The following PRKDC variants were observed in gnomAD, a reference collection of about 807,000 sequenced individuals.
PRKDC encodes protein kinase, DNA-activated, catalytic subunit, also known as DNA-dependent protein kinase catalytic subunit.
In PRKDC, 82 loss-of-function variants were observed where a neutral mutation model predicts 486.9. That is an observed-to-expected ratio of 0.17 (90% confidence interval 0.14 to 0.20). The LOEUF is 0.20. Ranked by LOEUF, PRKDC falls within the 10% of genes least tolerant of loss-of-function variation. The probability of loss-of-function intolerance (pLI) is 1.00; values close to 1 mark genes in which losing one functional copy is unlikely to be tolerated. For missense variants in PRKDC, 4,504 were observed against 5,038.2 expected, an observed-to-expected ratio of 0.89 and a Z score of 3.21; for synonymous variants, 1,895 against 1,837.0, an observed-to-expected ratio of 1.03 and a Z score of -0.81.
chr8:47,782,076 G>A lies in PRKDC; in HGVS notation c.11489+86C>T, dbSNP rs1418599404. 53 of 1,216,950 alleles carry A rather than the reference G, an allele frequency of 4.4e-5. No individual in the cohort carries two copies. The highest frequency in any genetic ancestry group is 2.6e-5 in the South Asian group (2 of 77,312). 75.4% of individuals were successfully genotyped at this position (1,216,950 alleles called of 1,614,324 possible). A position where few individuals can be genotyped will look rare whatever the true frequency, so the allele number is the denominator to read the frequency against. On this transcript the variant is annotated intron_variant, in intron 80 of 85. Coordinates refer to ENST00000314191, the MANE Select transcript of PRKDC (RefSeq NM_006904.7). This position sits in a 1 kb window ranked among gnomAD's most constrained non-coding sequence, Gnocchi z 4.9. Reference sequence around the variant, plus strand: ...TGCGGGGCAGGCAGTGTGGGCTCTCGAGCGCGCCTGTCACGGCCCCGACCT... The same window carrying A: ...TGCGGGGCAGGCAGTGTGGGCTCTCAAGCGCGCCTGTCACGGCCCCGACCT...
intron 14 of PRKDC, 30 bp from the exon 15 acceptor site, chr8:47,934,120 A>T: frequency 2.5e-6 from 4 of 1,584,998 alleles, no homozygotes; most frequent in Non-Finnish European, 3.4e-6. Context: ...GACAATATGT[A>T]GTGATGGATT....
intron 73 of PRKDC, 34 bp from the exon 74 acceptor site, chr8:47,794,535 A>G: frequency 6.7e-7 from 1 of 1,487,718 alleles, no homozygotes; most frequent in Non-Finnish European, 9.3e-7. Context: ...ATGCTGAGTA[A>G]AACATCTCAC....
chr8:47,900,269 T>C (rs1156247742), intron 28 of PRKDC, 104 bp downstream of exon 28: 14 of 705,734 alleles, frequency 2.0e-5, no homozygotes, highest in Non-Finnish European at 2.9e-5. Flanking sequence ...TATAGAACTC[T>C]TGGGAAAAAA....
At chr8:47,785,063 G>A in intron 77 of PRKDC, 50 bp downstream of exon 77, 1 of 1,542,294 alleles carries the variant, frequency 6.5e-7, no homozygotes, top group South Asian at 1.1e-5. Flanking sequence ...TCTTATTACA[G>A]TGCTGTGCTC....
intron 7 of PRKDC, among the ~76,000 whole-genome samples, chr8:47,951,422 C>T (rs911563140): frequency 2.6e-5 from 4 of 151,680 alleles, no homozygotes; most frequent in Admixed American, 1.3e-4. Context: ...TATCATGTAT[C>T]TGTTAAGAAA....
At chr8:47,924,687 T>A (rs1041793874) in intron 21 of PRKDC, among the ~76,000 whole-genome samples, 2 of 152,094 alleles carry the variant, frequency 1.3e-5, no homozygotes, top group Non-Finnish European at 2.9e-5. Context: ...AGAGTACATG[T>A]AACACACAAA....
intron 66 of PRKDC, 106 bp downstream of exon 66, chr8:47,820,613 G>C: frequency 1.4e-6 from 1 of 722,154 alleles, no homozygotes; most frequent in Non-Finnish European, 1.9e-6. Context: ...TGAGTTTACT[G>C]AGTTTTAAAA....
At position 47,902,747 on chromosome 8, in the gene PRKDC, G is replaced by A. The variant is rs763393727; in HGVS notation, c.3091C>T (p.Arg1031Trp). 3.1e-6 allele frequency: 5 copies of A among 1,613,300 alleles called. No individual in the cohort carries two copies. The highest frequency in any genetic ancestry group is 2.2e-5 in the South Asian group (2 of 90,950). ...VDSTLRDFCG[R>W]CIREFLKWSI... ...CATTTAAGGAATTCTCGAATACACC[G>A]ACCACAAAAATCTCTTAAAGTACTG... The change falls in exon 27 of 86, where the codon CGG becomes TGG. Residue 1031 changes from arginine to tryptophan, a missense_variant. By Grantham distance (101) the Arg-to-Trp change is moderately radical. Coordinates refer to ENST00000314191, the MANE Select transcript of PRKDC (RefSeq NM_006904.7).
intron 21 of PRKDC, among the ~76,000 whole-genome samples, chr8:47,923,330 C>T (rs946012349): frequency 1.3e-5 from 2 of 152,088 alleles, no homozygotes; most frequent in South Asian, 2.1e-4. Flanking sequence ...GGATTACAGG[C>T]GTGAGCCACT....
intron 40 of PRKDC, among the ~76,000 whole-genome samples, chr8:47,872,596 A>G (rs1348018719): frequency 1.3e-5 from 2 of 152,190 alleles, no homozygotes; most frequent in Non-Finnish European, 2.9e-5. Context: ...ATGAAAAAAG[A>G]TATTTCATGC....
Position 47,813,735 on chromosome 8 carries a change from C to T in PRKDC, c.9557+3715G>A, listed in dbSNP as rs557765270. ...GATTACAGGCATGTGCCACCATGCT[C>T]GGCTAATTTTATATTTTTAGTAGAG... is the stretch of plus-strand genomic sequence containing the variant. On this transcript the variant is annotated intron_variant, in intron 68 of 85. Transcript: ENST00000314191. Among the ~76,000 whole-genome samples, 48 of 152,134 alleles carry T rather than the reference C, an allele frequency of 3.2e-4. No homozygotes were observed. The South Asian group carries it at 9.8e-3, about 31-fold the overall frequency.
chr8:47,879,690 C>A (rs371786025), intron 38 of PRKDC, 32 bp from the exon 39 acceptor site: 2 of 1,481,966 alleles, frequency 1.3e-6, no homozygotes, highest in African/African-American at 1.4e-5. Flanking sequence ...AGAAACTGCA[C>A]GAATTATGGC....
intron 54 of PRKDC, among the ~76,000 whole-genome samples, chr8:47,847,150 T>C (rs543658250): frequency 2.6e-5 from 4 of 152,258 alleles, no homozygotes; most frequent in Non-Finnish European, 5.9e-5. Context: ...TATTCTAAAA[T>C]TCATATGAAA....
At position 47,836,481 on chromosome 8, in the gene PRKDC, G is replaced by A. The variant is rs1450003938; in HGVS notation, c.7808C>T (p.Thr2603Ile). 9.9e-6 allele frequency: 16 copies of A among 1,610,496 alleles called. No homozygotes were observed. The highest frequency in any genetic ancestry group is 1.3e-5 in the African/African-American group (1 of 74,864). ...SDWRFRSTVL[T>I]PMFVETQASQ... is the part of the protein sequence containing the mutation. ...GGCCTGGGTCTCCACAAACATCGGA[G>A]TGAGAACAGTACTTCGGAAACGCCA... The change falls in exon 58 of 86, where the codon ACT (threonine) becomes ATT (isoleucine). Residue 2603 changes from threonine to isoleucine, a missense_variant. By Grantham distance (89) the Thr-to-Ile change is moderately conservative. Coordinates refer to ENST00000314191, the MANE Select transcript of PRKDC (RefSeq NM_006904.7).
At chr8:47,874,520 G>C (rs778999001) in intron 40 of PRKDC, among the ~76,000 whole-genome samples, 1 of 152,140 alleles carries the variant, frequency 6.6e-6, no homozygotes, top group Non-Finnish European at 1.5e-5. Context: ...CACTTTGGGC[G>C]GCTGAGGCGG....
intron 7 of PRKDC, 138 bp from the exon 8 acceptor site, chr8:47,944,167 G>T: frequency 2.6e-6 from 2 of 770,640 alleles, no homozygotes; most frequent in Non-Finnish European, 4.3e-6. Flanking sequence ...ATTCCATCCA[G>T]CTAAAGTTGC....
intron 10 of PRKDC, among the ~76,000 whole-genome samples, chr8:47,942,979 T>G (rs948462154): frequency 6.6e-6 from 1 of 152,216 alleles, no homozygotes; most frequent in Non-Finnish European, 1.5e-5. Context: ...TTTGCTCCAT[T>G]ACACTTGTCT....
intron 25 of PRKDC, among the ~76,000 whole-genome samples, chr8:47,908,316 G>A (rs1029339084): frequency 3.3e-5 from 5 of 152,122 alleles, no homozygotes; most frequent in Non-Finnish European, 7.3e-5. Flanking sequence ...TTTATGAGCT[G>A]CCTATTTTTT....
In PRKDC at chr8:47,935,807, A is replaced by T. The variant is rs2090340242; in HGVS notation, c.1372T>A (p.Cys458Ser). Residue 458 changes from cysteine to serine, a missense_variant, in exon 13 of 86, where the codon TGC becomes AGC. By Grantham distance (112) the Cys-to-Ser change is moderately radical. Coordinates refer to ENST00000314191, the MANE Select transcript of PRKDC (RefSeq NM_006904.7). ...AGGAACACCTTCACTATGGCTCTGC[A>T]ACACACCAGCTGCATTTTTGGACTG... Reference protein sequence around the residue: ...QYSPKMQLVCCRAIVKVFLAL... With the variant: ...QYSPKMQLVCSRAIVKVFLAL... The T allele has an allele frequency of 6.2e-7, 1 of 1,614,016 alleles. No individual in the cohort carries two copies.
Sources: gnomAD v4.1 joint callset for allele counts (sites outside exome capture counted in the v4.1 genomes callset) on GRCh38, gnomAD v4.1.1 for gene constraint, Gnocchi (gnomAD v3.1) non-coding constraint, MANE v1.5 for transcripts, NCBI Gene and HGNC (gene_info 2026-07-23, HGNC 2026-07-21) for gene names.